Variants in CTNNA2 observed in about 807,000 individuals in gnomAD.
The protein encoded by CTNNA2 is catenin alpha 2.
Under a neutral mutation model 101.0 loss-of-function variants are expected in CTNNA2, and 42 were observed. The ratio of observed to expected loss-of-function variants is 0.42; its 90% confidence interval spans 0.32 to 0.54. CTNNA2 has a LOEUF of 0.54. Among genes scored for constraint, CTNNA2 ranks in the 20% least tolerant of loss-of-function variants. The pLI, the probability that CTNNA2 is intolerant of heterozygous loss-of-function variation, is 0.14. For missense variants in CTNNA2, 871 were observed against 1,223.1 expected (o/e 0.71, Z 4.29); for synonymous variants, 450 against 456.4 (o/e 0.99, Z 0.18).
intron 7 of CTNNA2, among the ~76,000 whole-genome samples, chr2:80,215,607 G>C (rs1258068082): frequency 6.6e-6 from 1 of 152,168 alleles, no homozygotes; most frequent in East Asian, 1.9e-4. Flanking sequence ...GTTGCTGCCT[G>C]ATCCTTCCTC....
At chr2:79,754,509 A>G (rs1031024610) in intron 3 of CTNNA2, among the ~76,000 whole-genome samples, 3 of 152,148 alleles carry the variant, frequency 2.0e-5, no homozygotes, top group African/African-American at 4.8e-5. Flanking sequence ...CCCTATAAAT[A>G]CATAAAGCAG....
intron 1 of CTNNA2, among the ~76,000 whole-genome samples, chr2:79,626,781 T>C (rs1679338652): frequency 6.6e-6 from 1 of 151,806 alleles, no homozygotes; most frequent in Admixed American, 6.6e-5. Context: ...CGAGACAACA[T>C]GCGTTATATT....
At chr2:80,627,347 T>C (rs1671792993) in intron 18 of CTNNA2, among the ~76,000 whole-genome samples, 1 of 152,154 alleles carries the variant, frequency 6.6e-6, no homozygotes, top group East Asian at 1.9e-4. Context: ...TGTAAAAGCG[T>C]TCCTATTTCT....
intron 8 of CTNNA2, among the ~76,000 whole-genome samples, chr2:80,397,257 A>T (rs1678101178): frequency 6.6e-6 from 1 of 152,186 alleles, no homozygotes. Flanking sequence ...ACCCACTTGT[A>T]TTAAGTCTTT....
chr2:79,545,110 C>G (rs577585382), intron 1 of CTNNA2, among the ~76,000 whole-genome samples: 1 of 152,146 alleles, frequency 6.6e-6, no homozygotes, highest in Admixed American at 6.6e-5. Context: ...TTGTCAGCCC[C>G]CTTACTCACT....
chr2:79,265,126 C>T (rs1674972658), intron 2 of CTNNA2, among the ~76,000 whole-genome samples: 2 of 152,294 alleles, frequency 1.3e-5, no homozygotes, highest in South Asian at 2.1e-4. Flanking sequence ...GAAAGAATCA[C>T]AATCACAATT....
At chr2:80,142,294 G>A (rs1332415823) in intron 7 of CTNNA2, among the ~76,000 whole-genome samples, 5 of 152,108 alleles carry the variant, frequency 3.3e-5, no homozygotes, top group Admixed American at 6.6e-5. Context: ...AGTCTTCAGC[G>A]TTAGCTGCTC....
At chr2:80,336,774 T>C (rs1056533102) in intron 7 of CTNNA2, among the ~76,000 whole-genome samples, 4 of 152,194 alleles carry the variant, frequency 2.6e-5, no homozygotes, top group Non-Finnish European at 5.9e-5. Context: ...GACTATAGTT[T>C]TAAAAGCAGG....
intron 1 of CTNNA2, among the ~76,000 whole-genome samples, chr2:79,546,983 T>C (rs975609041): frequency 2.6e-5 from 2 of 75,870 alleles, no homozygotes; most frequent in African/African-American, 1.1e-4. Context: ...TTGTGGAATT[T>C]GTGAAAAGAA....
At chr2:80,214,588 A>C (rs1453841709) in intron 7 of CTNNA2, among the ~76,000 whole-genome samples, 1 of 152,148 alleles carries the variant, frequency 6.6e-6, no homozygotes, top group African/African-American at 2.4e-5. Flanking sequence ...ATCAGCTGTT[A>C]GTCTGATGGG....
At chr2:80,085,160 G>T (rs1044096023) in intron 7 of CTNNA2, among the ~76,000 whole-genome samples, 2 of 152,048 alleles carry the variant, frequency 1.3e-5, no homozygotes, top group Admixed American at 6.6e-5. Flanking sequence ...TTTTGATGCA[G>T]CAGATGCCTT....
intron 18 of CTNNA2, among the ~76,000 whole-genome samples, chr2:80,624,147 T>C (rs1671427399): frequency 6.6e-6 from 1 of 151,946 alleles, no homozygotes; most frequent in South Asian, 2.1e-4. Context: ...TGTGCCAAGA[T>C]AAGAGATAGG....
At chr2:79,938,429 A>G (rs1403879208) in intron 7 of CTNNA2, among the ~76,000 whole-genome samples, 1 of 152,180 alleles carries the variant, frequency 6.6e-6, no homozygotes. Flanking sequence ...GTAGATTCAC[A>G]ATTTGGAAGA....
chr2:80,444,702 G>C (rs758165644), intron 9 of CTNNA2, among the ~76,000 whole-genome samples: 16 of 152,170 alleles, frequency 1.1e-4, no homozygotes, highest in Admixed American at 2.0e-4. Context: ...TATAGGAAGA[G>C]ACAGGAGAGA....
intron 7 of CTNNA2, among the ~76,000 whole-genome samples, chr2:80,185,661 GT>G (rs1706075546): frequency 6.6e-6 from 1 of 152,162 alleles, no homozygotes; most frequent in South Asian, 2.1e-4. Flanking sequence ...TCTCAATCCT[GT>G]TTGTTCGGTG....
chr2:80,173,027 T>C (rs1705168670), intron 7 of CTNNA2, among the ~76,000 whole-genome samples: 1 of 152,176 alleles, frequency 6.6e-6, no homozygotes, highest in African/African-American at 2.4e-5. Flanking sequence ...AGGGGTACAA[T>C]TCAATCCATA....
chr2:79,445,900 A>G (rs1236309363), intron 4 of CTNNA2, among the ~76,000 whole-genome samples: 1 of 152,180 alleles, frequency 6.6e-6, no homozygotes, highest in Non-Finnish European at 1.5e-5. Context: ...AAGAGCATCC[A>G]GAGAATGCTA....
intron 3 of CTNNA2, among the ~76,000 whole-genome samples, chr2:79,745,957 T>C (rs1671616386): frequency 6.6e-6 from 1 of 152,170 alleles, no homozygotes; most frequent in Non-Finnish European, 1.5e-5. Context: ...AATTATATTT[T>C]TAATTTTTCA....
rs748889262 is a variant in CTNNA2 at position 79,858,019 on chromosome 2, C to T, written c.305C>T (p.Thr102Met). ...AVEDVRKQGETMRIASSEFAD... is the reference protein window; with the variant it reads ...AVEDVRKQGEMMRIASSEFAD... Reference sequence around the variant, plus strand: ...CTCCGTGTCTGTCTTCCAGGTGAGACGATGCGGATCGCCTCCTCCGAGTTT... The same window carrying T: ...CTCCGTGTCTGTCTTCCAGGTGAGATGATGCGGATCGCCTCCTCCGAGTTT... The change falls in exon 4 of 19, where the codon ACG becomes ATG. Residue 102 changes from threonine (T) to methionine (M), a missense_variant. By Grantham distance (81) the Thr-to-Met change is moderately conservative. This residue lies in a region of CTNNA2 where 647 missense variants were observed against 831.5 expected (regional missense o/e 0.78). Transcript: ENST00000402739. 23 of 1,612,236 alleles carry T rather than the reference C, an allele frequency of 1.4e-5. No individual in the cohort carries two copies. Among genetic ancestry groups the T allele is most frequent in the African/African-American group, 1.2e-4 (9 of 74,910 alleles).
Sources: gnomAD v4.1 joint callset for allele counts (sites outside exome capture counted in the v4.1 genomes callset) on GRCh38, gnomAD v4.1.1 for gene constraint, gnomAD v4.1.1 regional missense constraint, MANE v1.5 for transcripts, NCBI Gene and HGNC (gene_info 2026-07-23, HGNC 2026-07-21) for gene names.